EMID1: variants seen among roughly 807,000 people sequenced by gnomAD.
EMID1 encodes EMI domain-containing protein 1.
In EMID1, 40 loss-of-function variants were observed where a neutral mutation model predicts 60.6. The ratio of observed to expected loss-of-function variants is 0.66; its 90% CI spans 0.51 to 0.86. The LOEUF is 0.86. EMID1 is among the 40% of genes least tolerant of loss of function. The pLI is 0.00. For missense variants in EMID1, 585 were observed against 597.1 expected (o/e 0.98, Z 0.21); for synonymous variants, 242 against 231.0 (o/e 1.05, Z -0.43).
At chr22:29,246,594 G>A (rs1488876926) in intron 13 of EMID1, among the ~76,000 whole-genome samples, 1 of 152,144 alleles carries the variant, frequency 6.6e-6, no homozygotes. Flanking sequence ...AGAGAACCAG[G>A]AGAAGCAAGC....
At chr22:29,229,678 T>A (rs1449152725) in intron 5 of EMID1, among the ~76,000 whole-genome samples, 1 of 150,584 alleles carries the variant, frequency 6.6e-6, no homozygotes, top group Admixed American at 6.6e-5. Context: ...CCCTGATTTA[T>A]CAAATGGGAA....
chr22:29,225,989 T>TC (rs1362174605), intron 4 of EMID1, among the ~76,000 whole-genome samples: 1 of 151,470 alleles, frequency 6.6e-6, no homozygotes, highest in Non-Finnish European at 1.5e-5. Context: ...GCTGGGTGGG[T>TC]CCCCAAAGCC....
At chr22:29,244,330 C>A (rs930747164) in intron 13 of EMID1, among the ~76,000 whole-genome samples, 4 of 152,136 alleles carry the variant, frequency 2.6e-5, no homozygotes, top group Non-Finnish European at 5.9e-5. Context: ...GTGGCTCCTA[C>A]CTGTAATCCC....
chr22:29,241,334 G>A (rs2041146257), intron 12 of EMID1, among the ~76,000 whole-genome samples: 1 of 152,140 alleles, frequency 6.6e-6, no homozygotes, highest in Non-Finnish European at 1.5e-5. Flanking sequence ...AAGAGTTGTT[G>A]ATTTTTCAGT....
chr22:29,218,905 G>C lies in EMID1; in HGVS notation c.319+3275G>C, dbSNP rs2040187127. On this transcript the variant is annotated intron_variant, in intron 3 of 14. Transcript: ENST00000334018. ...TAAGGTCACACAGCAAGCAAGTATT[G>C]TCGCCAGGTTTCTCCCCAGGGTGCC... is the stretch of plus-strand genomic sequence containing the variant. 2.6e-5 allele frequency among the ~76,000 whole-genome samples: 4 copies of C among 152,336 alleles called. No individual in the cohort carries two copies. The South Asian group carries it at 8.3e-4, about 32-fold the overall frequency.
chr22:29,206,205 C>T, intron 1 of EMID1, 66 bp downstream of exon 1: 1 of 1,143,218 alleles, frequency 8.7e-7, no homozygotes, highest in Non-Finnish European at 1.1e-6. Flanking sequence ...GCCCCCACCT[C>T]CAGGAAGGGC....
At chr22:29,256,675 G>A (rs565893838) in intron 14 of EMID1, among the ~76,000 whole-genome samples, 13 of 152,190 alleles carry the variant, frequency 8.5e-5, no homozygotes, top group African/African-American at 2.6e-4. Flanking sequence ...GGAGATATGG[G>A]GTAGGGGAGC....
At position 29,258,871 on chromosome 22, in the gene EMID1, T is replaced by C; in HGVS notation, c.1259T>C (p.Leu420Pro). ...GCCGGCACAGGCACCCCCAGCCTCC[T>C]TCGGGGCAAGAGGGGCGGACATGCA... ...GPAGTGTPSL[L>P]RGKRGGHATN... The change falls in exon 15 of 15, where the codon CTT becomes CCT. Residue 420 changes from leucine to proline, a missense_variant. Transcript: ENST00000334018. The C allele has an allele frequency of 6.2e-7, 1 of 1,613,194 alleles. No individual in the cohort carries two copies. The highest frequency in any genetic ancestry group is 8.5e-7 in the Non-Finnish European group (1 of 1,179,760).
Position 29,205,980 on chromosome 22 carries a change from GA to G in EMID1, c.-58del, listed in dbSNP as rs1312645302. ...CTGGCGGCGCGGGCAGGCAGGCGGG[GA>G]GGACAGGCTGGGGGCGGCGACCGCG... is the stretch of plus-strand genomic sequence containing the variant. On this transcript the variant is annotated 5_prime_UTR_variant, in exon 1 of 15. Transcript: ENST00000334018. 2 of 1,064,224 alleles carry G rather than the reference GA, an allele frequency of 1.9e-6. No individual in the cohort carries two copies. Among genetic ancestry groups the G allele is most frequent in the Admixed American group, 4.9e-5 (1 of 20,416 alleles). The allele number at this position is 1,064,224 out of a possible 1,614,324, so 65.9% of individuals were successfully genotyped here.
At chr22:29,256,093 C>T (rs1019911501) in intron 14 of EMID1, among the ~76,000 whole-genome samples, 2 of 152,184 alleles carry the variant, frequency 1.3e-5, no homozygotes. Flanking sequence ...CTCTATTCCT[C>T]ACCTGCCCAG....
chr22:29,236,776 C>T (rs2040963678), intron 12 of EMID1, among the ~76,000 whole-genome samples: 2 of 151,634 alleles, frequency 1.3e-5, no homozygotes, highest in African/African-American at 4.8e-5. Context: ...TACCATATTA[C>T]TATTTTCTTT....
chr22:29,259,119 C>T lies in EMID1; in HGVS notation c.*175C>T. Reference sequence around the variant, plus strand: ...CCTGGCACCATGCACATGTCTGAGGCTGAGCAAGGGCTGAGAGGAGAGGCT... The same window carrying T: ...CCTGGCACCATGCACATGTCTGAGGTTGAGCAAGGGCTGAGAGGAGAGGCT... On this transcript the variant is annotated 3_prime_UTR_variant, in exon 15 of 15. Transcript: ENST00000334018. 9.9e-7 allele frequency: 1 copy of T among 1,014,986 alleles called. No homozygotes were observed. Among genetic ancestry groups the T allele is most frequent in the East Asian group, 2.9e-5 (1 of 34,970 alleles). 62.9% of individuals were successfully genotyped at this position (1,014,986 alleles called of 1,614,324 possible).
intron 4 of EMID1, among the ~76,000 whole-genome samples, chr22:29,225,535 C>T (rs1250504733): frequency 3.3e-5 from 5 of 152,228 alleles, no homozygotes; most frequent in Non-Finnish European, 7.3e-5. Context: ...GTGCTGGAGG[C>T]CCTGTGCCAG....
intron 3 of EMID1, among the ~76,000 whole-genome samples, chr22:29,224,596 A>G (rs1326753769): frequency 1.3e-5 from 2 of 152,178 alleles, no homozygotes; most frequent in African/African-American, 2.4e-5. Flanking sequence ...GTCTCCTCTT[A>G]CCAAGCCAGG....
intron 13 of EMID1, among the ~76,000 whole-genome samples, chr22:29,253,686 A>G (rs2041602999): frequency 6.6e-6 from 1 of 152,252 alleles, no homozygotes; most frequent in African/African-American, 2.4e-5. Context: ...TCATTTGGGC[A>G]TAAGTGGAAA....
rs142004589 is a variant in EMID1 at position 29,207,097 on chromosome 22, G to A, written c.101+958G>A. Among the ~76,000 whole-genome samples the A allele has an allele frequency of 4.2e-4, 64 of 152,268 alleles. 1 individual carries two copies. In the South Asian group the frequency reaches 0.013, roughly 30 times the overall value. ...GGCCTGCGCGGCCCCCACCCCCTAC[G>A]GCCTCAATTCTTTAATTCTTTTCAG... On this transcript the variant is annotated intron_variant, in intron 1 of 14. Coordinates refer to ENST00000334018, the MANE Select transcript of EMID1 (RefSeq NM_133455.4).
intron 14 of EMID1, chr22:29,255,316 C>A: frequency 6.6e-7 from 1 of 1,523,706 alleles, no homozygotes; most frequent in Non-Finnish European, 8.9e-7. Context: ...TCAGCTGGAG[C>A]TCCTGGCCAG....
intron 1 of EMID1, among the ~76,000 whole-genome samples, chr22:29,210,583 A>G (rs966715402): frequency 1.3e-5 from 2 of 152,138 alleles, no homozygotes; most frequent in East Asian, 1.9e-4. Context: ...CCCAGGCTGT[A>G]GTGCAGTGGC....
intron 8 of EMID1, 93 bp downstream of exon 8, chr22:29,232,495 C>G (rs924616184): frequency 3.6e-6 from 5 of 1,370,728 alleles, no homozygotes; most frequent in Non-Finnish European, 4.9e-6. Flanking sequence ...CTTCTGTGTG[C>G]CAGCCCTGCT....
Sources: allele counts gnomAD v4.1 joint callset (sites outside exome capture counted in the v4.1 genomes callset), GRCh38; gene constraint gnomAD v4.1.1; transcripts MANE v1.5; gene names NCBI Gene and HGNC (gene_info 2026-07-23, HGNC 2026-07-21).